The following LPGAT1 variants were observed in gnomAD, a reference collection of about 807,000 sequenced individuals.
LPGAT1 encodes lysophosphatidylglycerol acyltransferase 1.
In LPGAT1, 11 loss-of-function variants were observed where a neutral mutation model predicts 47.5. The observed-to-expected ratio is 0.23, with a 90% CI of 0.15 to 0.38. LPGAT1 has a LOEUF of 0.38. LPGAT1 is among the 10% of genes least tolerant of loss of function. LPGAT1 has a pLI of 1.00. For missense variants in LPGAT1, 293 were observed against 439.0 expected, an observed-to-expected ratio of 0.67 and a Z score of 2.97; for synonymous variants, 138 against 144.2, an observed-to-expected ratio of 0.96 and a Z score of 0.31.
chr1:211,762,572 A>T (rs746650585), intron 6 of LPGAT1, among the ~76,000 whole-genome samples: 2 of 152,214 alleles, frequency 1.3e-5, no homozygotes, highest in Non-Finnish European at 2.9e-5. Flanking sequence ...CTTGAAATCA[A>T]ATCAGAGGAG....
chr1:211,783,429 C>T lies in LPGAT1; in HGVS notation c.527G>A (p.Arg176Gln), dbSNP rs368587470. ...TTCTGGAAACAAAACAATCCATTTT[C>T]GATCTCTGCTCCTGTAATTATTTTC... is the stretch of plus-strand genomic sequence containing the variant. ...HLENNYRSRD[R>Q]KWIVLFPEGG... The change falls in exon 5 of 8, where the codon CGA becomes CAA. Residue 176 changes from arginine to glutamine, a missense_variant. Coordinates refer to ENST00000366997, the MANE Select transcript of LPGAT1 (RefSeq NM_014873.3). 1.2e-6 allele frequency: 2 copies of T among 1,614,146 alleles called. No individual in the cohort carries two copies. Among genetic ancestry groups the T allele is most frequent in the Non-Finnish European group, 1.7e-6 (2 of 1,180,018 alleles).
intron 2 of LPGAT1, among the ~76,000 whole-genome samples, chr1:211,794,646 A>C (rs923347205): frequency 6.6e-6 from 1 of 152,144 alleles, no homozygotes; most frequent in African/African-American, 2.4e-5. Flanking sequence ...CTCAGTTTTC[A>C]AACATCAGAA....
chr1:211,829,401 C>T, intron 1 of LPGAT1, 78 bp from the exon 2 acceptor site: 3 of 1,550,898 alleles, frequency 1.9e-6, no homozygotes, highest in Non-Finnish European at 1.7e-6. Context: ...AGAAATCGCC[C>T]CCAGCACAAA....
intron 6 of LPGAT1, among the ~76,000 whole-genome samples, chr1:211,770,465 T>C (rs995607060): frequency 1.3e-5 from 2 of 152,222 alleles, no homozygotes; most frequent in African/African-American, 4.8e-5. Flanking sequence ...AATACTATTA[T>C]TGATTTGTAA....
intron 4 of LPGAT1, among the ~76,000 whole-genome samples, chr1:211,784,242 T>G (rs1048971802): frequency 6.6e-6 from 1 of 152,138 alleles, no homozygotes; most frequent in Non-Finnish European, 1.5e-5. Context: ...CATCTTTGGA[T>G]AGTTTTGAAC....
intron 2 of LPGAT1, among the ~76,000 whole-genome samples, chr1:211,820,509 A>G (rs973371534): frequency 4.0e-5 from 6 of 151,494 alleles, no homozygotes; most frequent in African/African-American, 1.5e-4. Flanking sequence ...AGATAACAGG[A>G]ATAGGGAAGC....
At chr1:211,829,939 G>T in intron 1 of LPGAT1, 3 of 985,304 alleles carry the variant, frequency 3.0e-6, no homozygotes, top group Non-Finnish European at 3.6e-6. Flanking sequence ...GAAAGTAGGG[G>T]GTTATAATGC....
At chr1:211,785,096 C>T (rs1658824067) in intron 4 of LPGAT1, among the ~76,000 whole-genome samples, 1 of 152,140 alleles carries the variant, frequency 6.6e-6, no homozygotes, top group Admixed American at 6.5e-5. Flanking sequence ...AGCCACTGCG[C>T]CCAGCCGGTT....
At chr1:211,797,145 A>G (rs1204920338) in intron 2 of LPGAT1, among the ~76,000 whole-genome samples, 1 of 152,140 alleles carries the variant, frequency 6.6e-6, no homozygotes, top group African/African-American at 2.4e-5. Context: ...AATCCCAGCT[A>G]CTTTGGAGCC....
At chr1:211,753,276 A>T (rs1395902752) in intron 6 of LPGAT1, among the ~76,000 whole-genome samples, 1 of 152,192 alleles carries the variant, frequency 6.6e-6, no homozygotes, top group Non-Finnish European at 1.5e-5. Context: ...AGTATTTGAA[A>T]TCTTGGAGGT....
At chr1:211,790,535 G>T (rs1659067654) in intron 3 of LPGAT1, among the ~76,000 whole-genome samples, 1 of 152,114 alleles carries the variant, frequency 6.6e-6, no homozygotes. Flanking sequence ...AGCAGGGAAA[G>T]ATTATAATGC....
chr1:211,762,345 G>A (rs1013985550), intron 6 of LPGAT1, among the ~76,000 whole-genome samples: 5 of 152,192 alleles, frequency 3.3e-5, no homozygotes, highest in Admixed American at 6.5e-5. Context: ...GGTTGAACAC[G>A]GGGACGGGGC....
intron 2 of LPGAT1, among the ~76,000 whole-genome samples, chr1:211,806,543 G>C (rs1477262730): frequency 6.6e-6 from 1 of 152,144 alleles, no homozygotes; most frequent in Non-Finnish European, 1.5e-5. Context: ...GGAGGAAGGG[G>C]GAAAGGATGG....
chr1:211,744,466 GAGTT>G lies in LPGAT1; in HGVS notation c.*5429_*5432del, dbSNP rs1223651342. 3.9e-5 allele frequency: 6 copies of G among 152,286 alleles called. No individual in the cohort carries two copies. Among genetic ancestry groups the G allele is most frequent in the African/African-American group, 1.2e-4 (5 of 41,550 alleles). The allele number at this position is 152,286 out of a possible 1,614,324, so 9.4% of individuals were successfully genotyped here. On this transcript the variant is annotated 3_prime_UTR_variant, in exon 8 of 8. Transcript: ENST00000366997. ...AATGATAATAAATTTATTGGGAAATGAGTTAGATTTGGACAGTCTGCCATTTTTC... is the reference window on the plus strand; with the variant it reads ...AATGATAATAAATTTATTGGGAAATGAGATTTGGACAGTCTGCCATTTTTC...
At chr1:211,756,875 C>CTTT (rs1233456083) in intron 6 of LPGAT1, among the ~76,000 whole-genome samples, 5 of 132,136 alleles carry the variant, frequency 3.8e-5, no homozygotes, top group South Asian at 2.8e-4. Context: ...TTTTTTCTCT[C>CTTT]TTTTTTTTTT....
chr1:211,769,861 T>C (rs1288996804), intron 6 of LPGAT1, among the ~76,000 whole-genome samples: 6 of 152,168 alleles, frequency 3.9e-5, no homozygotes, highest in Non-Finnish European at 5.9e-5. Context: ...ACCTGTATCT[T>C]GTGCCATAAC....
chr1:211,805,129 A>G (rs1250261922), intron 2 of LPGAT1, among the ~76,000 whole-genome samples: 1 of 148,602 alleles, frequency 6.7e-6, no homozygotes, highest in Non-Finnish European at 1.5e-5. Flanking sequence ...AAAAAAATGG[A>G]GAAAATCAAT....
intron 5 of LPGAT1, among the ~76,000 whole-genome samples, chr1:211,780,916 A>G (rs1297123747): frequency 2.6e-5 from 4 of 152,216 alleles, no homozygotes; most frequent in Non-Finnish European, 5.9e-5. Context: ...TTATAATTAA[A>G]TGATGAGAAA....
Position 211,830,748 on chromosome 1 carries a change from C to T in LPGAT1, c.-203G>A. 2 of 1,166,204 alleles carry T rather than the reference C, an allele frequency of 1.7e-6. No homozygotes were observed. 72.2% of individuals were successfully genotyped at this position (1,166,204 alleles called of 1,614,324 possible). On this transcript the variant is annotated 5_prime_UTR_variant, in exon 1 of 8. Transcript: ENST00000366997. The surrounding 1 kb of genome is among the most constrained non-coding windows in gnomAD (Gnocchi z 5.9). ...GAGACTCGGTCCCCAAGGGCCCGGC[C>T]GCGTTCGCCCGGACTGGCGGGGAGG...
Sources: allele counts gnomAD v4.1 joint callset (sites outside exome capture counted in the v4.1 genomes callset), GRCh38; gene constraint gnomAD v4.1.1; non-coding constraint Gnocchi (gnomAD v3.1); transcripts MANE v1.5; gene names NCBI Gene and HGNC (gene_info 2026-07-23, HGNC 2026-07-21).